Variants in TBC1D9B observed in about 807,000 individuals in gnomAD.
TBC1D9B encodes TBC1 domain family member 9B, also known as TBC1 domain family, member 9B (with GRAM domain).
TBC1D9B carries 87 observed loss-of-function variants against 121.1 expected under a neutral mutation model. The observed-to-expected ratio is 0.72, with a 90% confidence interval of 0.60 to 0.86. The LOEUF is 0.86. Ranked by LOEUF, TBC1D9B falls within the 40% of genes least tolerant of loss-of-function variation. TBC1D9B has a pLI of 0.00. For synonymous variants in TBC1D9B, 668 were observed against 670.1 expected, an observed-to-expected ratio of 1.00 and a Z score of 0.05; for missense variants, 1,540 against 1,628.6, an observed-to-expected ratio of 0.95 and a Z score of 0.94.
intron 6 of TBC1D9B, among the ~76,000 whole-genome samples, chr5:179,889,405 C>T (rs1388722341): frequency 6.1e-5 from 9 of 148,362 alleles, no homozygotes; most frequent in African/African-American, 2.4e-4. Context: ...GGGGGAGAGG[C>T]GCACAGAAGG....
In TBC1D9B at chr5:179,870,467, C is replaced by T. The variant is rs761505365; in HGVS notation, c.2513G>A (p.Gly838Glu). ...ACGGCCGGCCATTGTGCGGCTGCAC[C>T]CCCAGTACTGGCTAGCCAGGTGCTT... ...KAKHLASQYW[G>E]CSRTMAGRRD... The change falls in exon 16 of 21, where the codon GGG (glycine) becomes GAG (glutamate). Residue 838 changes from glycine (G) to glutamate (E), a missense_variant. By Grantham distance (98) the Gly-to-Glu change is moderately conservative. Coordinates refer to ENST00000355235, the MANE Select transcript of TBC1D9B (RefSeq NM_015043.4). 5.6e-6 allele frequency: 9 copies of T among 1,611,918 alleles called. No individual in the cohort carries two copies. The highest frequency in any genetic ancestry group is 6.8e-6 in the Non-Finnish European group (8 of 1,179,924).
At chr5:179,864,201 T>C in intron 20 of TBC1D9B, 73 bp from the exon 21 acceptor site, 3 of 1,420,804 alleles carry the variant, frequency 2.1e-6, no homozygotes, top group Non-Finnish European at 1.9e-6. Context: ...TTAGCCAAAC[T>C]GATGACAAGC....
intron 7 of TBC1D9B, among the ~76,000 whole-genome samples, chr5:179,883,460 C>T (rs1250336999): frequency 6.6e-6 from 1 of 152,088 alleles, no homozygotes; most frequent in Non-Finnish European, 1.5e-5. Flanking sequence ...CTCCATTTTT[C>T]TCCTATCTCT....
chr5:179,899,638 C>T (rs1347673618), intron 2 of TBC1D9B, among the ~76,000 whole-genome samples: 2 of 152,204 alleles, frequency 1.3e-5, no homozygotes, highest in African/African-American at 2.4e-5. Flanking sequence ...TGCTAACTTA[C>T]ACTTTTCCTC....
In TBC1D9B at chr5:179,864,434, G is replaced by C. The variant is rs549484838; in HGVS notation, c.3022-306C>G. On this transcript the variant is annotated intron_variant, in intron 20 of 20. Transcript: ENST00000355235. ...GCACAGGGAGATGGATTTCTACCAC[G>C]ACTCTAAATCCAGTCAGTACAAGGA... Among the ~76,000 whole-genome samples, 15 of 152,182 alleles carry C rather than the reference G, an allele frequency of 9.9e-5. 1 individual carries two copies. The South Asian group carries it at 3.1e-3, about 32-fold the overall frequency.
rs915819738 is a variant in TBC1D9B at position 179,890,756 on chromosome 5, A to T, written c.1044+623T>A. Among the ~76,000 whole-genome samples, 1 of 152,206 alleles carries T rather than the reference A, an allele frequency of 6.6e-6. No individual in the cohort carries two copies. The highest frequency in any genetic ancestry group is 2.4e-5 in the African/African-American group (1 of 41,458). The stretch of plus-strand genomic sequence containing the variant: ...CAGTCTCATGCCTTCTATTTGGGCA[A>T]GGGCCCTTGTCCTTGCTGTCCACAC... On this transcript the variant is annotated intron_variant, in intron 6 of 20. Coordinates refer to ENST00000355235, the MANE Select transcript of TBC1D9B (RefSeq NM_015043.4). The surrounding 1 kb of genome is among the most constrained non-coding windows in gnomAD (Gnocchi z 5.0).
At position 179,879,958 on chromosome 5, in the gene TBC1D9B, C is replaced by T. The variant is rs1378590422; in HGVS notation, c.1255-169G>A. 35 of 738,760 alleles carry T rather than the reference C, an allele frequency of 4.7e-5. 1 individual carries two copies. Among genetic ancestry groups the T allele is most frequent in the Admixed American group, 1.5e-4 (5 of 33,834 alleles). 45.8% of individuals were successfully genotyped at this position (738,760 alleles called of 1,614,324 possible). A position where few individuals can be genotyped will look rare whatever the true frequency, so the allele number is the denominator to read the frequency against. On this transcript the variant is annotated intron_variant, in intron 7 of 20. Coordinates refer to ENST00000355235, the MANE Select transcript of TBC1D9B (RefSeq NM_015043.4). The stretch of plus-strand genomic sequence containing the variant: ...GCTGGGCAGGAGGCTGTGGCTGCAG[C>T]TCAGCCCTCAGCTCCTCTCTGGCTG...
At chr5:179,882,213 G>C (rs1760563129) in intron 7 of TBC1D9B, among the ~76,000 whole-genome samples, 2 of 152,124 alleles carry the variant, frequency 1.3e-5, no homozygotes, top group Non-Finnish European at 1.5e-5. Context: ...CCAAAGTGTT[G>C]GGATTACAGG....
At chr5:179,903,368 C>T (rs1396679345) in intron 2 of TBC1D9B, among the ~76,000 whole-genome samples, 1 of 152,230 alleles carries the variant, frequency 6.6e-6, no homozygotes, top group Admixed American at 6.5e-5. Flanking sequence ...CAAACTCAAC[C>T]CAGCAGGTAC....
chr5:179,864,946 G>A (rs1040552369), intron 20 of TBC1D9B, among the ~76,000 whole-genome samples: 2 of 152,344 alleles, frequency 1.3e-5, no homozygotes, highest in African/African-American at 2.4e-5. Context: ...GCAGAGCCCT[G>A]GGCAGGGCTG....
rs776252024 is a variant in TBC1D9B, at chr5:179,869,777, A to C, written c.2783T>G (p.Leu928Arg). The C allele has an allele frequency of 6.2e-7, 1 of 1,606,804 alleles. No homozygotes were observed. Among genetic ancestry groups the C allele is most frequent in the Admixed American group, 1.7e-5 (1 of 59,266 alleles). ...GGGCAGGAGGCTCTCACCTGGGGGA[A>C]GGTGTAGCTTGTAGAGCACCTTGAG... ...EKLKVLYKLH[L>R]PPALSPEEAE... The change falls in exon 17 of 21, where the codon CTT (leucine) becomes CGT (arginine). Residue 928 changes from leucine to arginine, a missense_variant. Transcript: ENST00000355235.
chr5:179,872,960 C>T lies in TBC1D9B; in HGVS notation c.2347G>A (p.Glu783Lys). 1 of 1,614,002 alleles carries T rather than the reference C, an allele frequency of 6.2e-7. No individual in the cohort carries two copies. Among genetic ancestry groups the T allele is most frequent in the Non-Finnish European group, 8.5e-7 (1 of 1,179,994 alleles). ...AGCCTCTGTTTAAACCGCATCTGCT[C>T]AATGTCTTCGGCCCTCAGGCTGCTG... ...KFSSLRAEDI[E>K]QMRFKQRLKV... Residue 783 changes from glutamate (E) to lysine (K), a missense_variant, in exon 14 of 21, where the codon GAG (glutamate) becomes AAG (lysine). Transcript: ENST00000355235.
intron 14 of TBC1D9B, chr5:179,872,568 G>A (rs1760235395): frequency 5.6e-6 from 2 of 359,806 alleles, no homozygotes; most frequent in African/African-American, 2.1e-5. Context: ...GCGGCATGTT[G>A]CTACCTGGGA....
chr5:179,879,926 C>T (rs987600723), intron 7 of TBC1D9B, 137 bp from the exon 8 acceptor site: 1 of 1,085,058 alleles, frequency 9.2e-7, no homozygotes. Flanking sequence ...GGAGAAGAGC[C>T]TGTCTGGCTG....
intron 7 of TBC1D9B, chr5:179,887,528 G>C (rs1029026509): frequency 2.0e-5 from 3 of 153,522 alleles, no homozygotes; most frequent in African/African-American, 7.2e-5. Flanking sequence ...ACGAGAGCTA[G>C]GTGGAGCAGA....
chr5:179,871,009 T>C (rs1760177913), intron 15 of TBC1D9B, among the ~76,000 whole-genome samples: 1 of 152,154 alleles, frequency 6.6e-6, no homozygotes, highest in Non-Finnish European at 1.5e-5. Context: ...GAAAGAAAAA[T>C]TCTCTTTGCA....
chr5:179,907,893 A>G lies in TBC1D9B; in HGVS notation c.-72T>C. On this transcript the variant is annotated 5_prime_UTR_variant, in exon 1 of 21. Transcript: ENST00000355235. The surrounding 1 kb of genome is among the most constrained non-coding windows in gnomAD (Gnocchi z 5.3). ...CGCCGCCGTCGGCGTCCCGGAGCGGAGCGTGCGGAGCGGAGCGTGCGGAGC... is the reference window on the plus strand; with the variant it reads ...CGCCGCCGTCGGCGTCCCGGAGCGGGGCGTGCGGAGCGGAGCGTGCGGAGC... 1.2e-6 allele frequency: 1 copy of G among 862,522 alleles called. No homozygotes were observed. Among genetic ancestry groups the G allele is most frequent in the Non-Finnish European group, 1.4e-6 (1 of 725,234 alleles). 53.4% of individuals were successfully genotyped at this position (862,522 alleles called of 1,614,324 possible). A position where few individuals can be genotyped will look rare whatever the true frequency, so the allele number is the denominator to read the frequency against.
chr5:179,899,479 A>G (rs928984334), intron 2 of TBC1D9B, among the ~76,000 whole-genome samples, 172 bp from the exon 3 acceptor site: 1 of 152,186 alleles, frequency 6.6e-6, no homozygotes, highest in Admixed American at 6.5e-5. Flanking sequence ...ACAAAGTAAT[A>G]AATGGTCCTG....
At position 179,904,504 on chromosome 5, in the gene TBC1D9B, C is replaced by T. The variant is rs1212557363; in HGVS notation, c.229+198G>A. 2.0e-5 allele frequency among the ~76,000 whole-genome samples: 3 copies of T among 152,182 alleles called. No homozygotes were observed. Among genetic ancestry groups the T allele is most frequent in the African/African-American group, 4.8e-5 (2 of 41,456 alleles). Reference sequence around the variant, plus strand: ...CCTCCCAAAGTGCTGGGATTACAGACGTGAGCCACCGCACCGGGCCACGGA... The same window carrying T: ...CCTCCCAAAGTGCTGGGATTACAGATGTGAGCCACCGCACCGGGCCACGGA... On this transcript the variant is annotated intron_variant, in intron 2 of 20. Coordinates refer to ENST00000355235, the MANE Select transcript of TBC1D9B (RefSeq NM_015043.4). This position sits in a 1 kb window ranked among gnomAD's most constrained non-coding sequence, Gnocchi z 4.2.
Sources: allele counts gnomAD v4.1 joint callset (sites outside exome capture counted in the v4.1 genomes callset), GRCh38; gene constraint gnomAD v4.1.1; non-coding constraint Gnocchi (gnomAD v3.1); transcripts MANE v1.5; gene names NCBI Gene and HGNC (gene_info 2026-07-23, HGNC 2026-07-21).